Variants in PPFIBP1 observed in about 807,000 individuals in gnomAD.
PPFIBP1 encodes the protein PPFIB scaffold protein 1.
A neutral mutation model predicts 137.8 loss-of-function variants in PPFIBP1; 112 were observed. That is an observed-to-expected ratio of 0.81 (90% CI 0.70 to 0.95). The LOEUF (loss-of-function observed/expected upper bound fraction) is 0.95, where lower values mean the gene tolerates loss of function less well. Among genes scored for constraint, PPFIBP1 ranks in the 40% least tolerant of loss-of-function variants. The pLI, the probability that PPFIBP1 is intolerant of heterozygous loss-of-function variation, is 0.00. For missense variants in PPFIBP1, 1,083 were observed against 1,196.6 expected (o/e 0.91, Z 1.40); for synonymous variants, 378 against 417.3 (o/e 0.91, Z 1.15).
intron 1 of PPFIBP1, among the ~76,000 whole-genome samples, chr12:27,536,248 A>G (rs1197183987): frequency 6.6e-6 from 1 of 152,236 alleles, no homozygotes; most frequent in Non-Finnish European, 1.5e-5. Flanking sequence ...TAGAGAGGCC[A>G]GGAATGGTGG....
chr12:27,640,434 G>C (rs996110601), intron 4 of PPFIBP1, among the ~76,000 whole-genome samples: 2 of 152,174 alleles, frequency 1.3e-5, no homozygotes, highest in African/African-American at 4.8e-5. Context: ...TCACGATATT[G>C]AATGAATGAA....
At chr12:27,555,599 G>A (rs1348033908) in intron 1 of PPFIBP1, among the ~76,000 whole-genome samples, 4 of 152,170 alleles carry the variant, frequency 2.6e-5, no homozygotes, top group Non-Finnish European at 5.9e-5. Context: ...ATGATTGAAA[G>A]CAAAAGCTGT....
intron 11 of PPFIBP1, among the ~76,000 whole-genome samples, chr12:27,663,357 G>T (rs1212158932): frequency 6.6e-6 from 1 of 152,218 alleles, no homozygotes; most frequent in Non-Finnish European, 1.5e-5. Context: ...GAAAAGCAAA[G>T]AGGGTCATGG....
intron 1 of PPFIBP1, among the ~76,000 whole-genome samples, chr12:27,574,181 G>A (rs1327495997): frequency 6.6e-6 from 1 of 152,174 alleles, no homozygotes; most frequent in Non-Finnish European, 1.5e-5. Context: ...TCAGGAAGTG[G>A]TGGGGGTGAT....
chr12:27,619,984 A>G lies in PPFIBP1; in HGVS notation c.-35-13378A>G, dbSNP rs1475692056. Reference sequence around the variant, plus strand: ...TTTATATATATATTTACATATATATACACGCACATATTTACTATGTGTGTA... The same window carrying G: ...TTTATATATATATTTACATATATATGCACGCACATATTTACTATGTGTGTA... On this transcript the variant is annotated intron_variant, in intron 2 of 29. Transcript: ENST00000228425. 3.9e-5 allele frequency among the ~76,000 whole-genome samples: 6 copies of G among 151,976 alleles called. No homozygotes were observed. The East Asian group carries it at 1.2e-3, about 29-fold the overall frequency.
intron 7 of PPFIBP1, among the ~76,000 whole-genome samples, chr12:27,652,435 C>G (rs2058930989): frequency 6.6e-6 from 1 of 152,164 alleles, no homozygotes; most frequent in Non-Finnish European, 1.5e-5. Flanking sequence ...AGAAAGGGAA[C>G]AGGAATTTTC....
chr12:27,542,793 C>T (rs577996714), intron 1 of PPFIBP1, among the ~76,000 whole-genome samples: 1 of 152,206 alleles, frequency 6.6e-6, no homozygotes, highest in South Asian at 2.1e-4. Flanking sequence ...CGTGATGACT[C>T]CTCAGCTTAG....
intron 13 of PPFIBP1, among the ~76,000 whole-genome samples, chr12:27,670,702 C>G (rs2060124940): frequency 6.6e-6 from 1 of 151,334 alleles, no homozygotes; most frequent in African/African-American, 2.4e-5. Flanking sequence ...TCACTTTAGC[C>G]CAGAAGTTCA....
chr12:27,534,643 T>A (rs67318133), intron 1 of PPFIBP1, among the ~76,000 whole-genome samples: 24,241 of 151,828 alleles, frequency 0.16, 2,251 homozygotes, highest in Middle Eastern at 0.26. Flanking sequence ...CCAGACTTGA[T>A]GGTTCACAGG....
intron 7 of PPFIBP1, among the ~76,000 whole-genome samples, chr12:27,654,128 A>G (rs968286001): frequency 6.6e-6 from 1 of 152,230 alleles, no homozygotes; most frequent in African/African-American, 2.4e-5. Context: ...TGTTCCTGTT[A>G]TTCACTTAAT....
chr12:27,645,011 G>A (rs1195316213), intron 4 of PPFIBP1, among the ~76,000 whole-genome samples: 1 of 151,916 alleles, frequency 6.6e-6, no homozygotes, highest in African/African-American at 2.4e-5. Flanking sequence ...AATGGTATCA[G>A]TTAATTCTGG....
At chr12:27,668,864 A>T (rs1477184388) in intron 13 of PPFIBP1, among the ~76,000 whole-genome samples, 2 of 152,082 alleles carry the variant, frequency 1.3e-5, no homozygotes, top group Non-Finnish European at 2.9e-5. Flanking sequence ...ATTCTAGTCT[A>T]GTCCATCCTG....
chr12:27,621,096 G>A (rs996945356), intron 2 of PPFIBP1, among the ~76,000 whole-genome samples: 4 of 152,212 alleles, frequency 2.6e-5, no homozygotes, highest in African/African-American at 9.7e-5. Context: ...CTTTCAGGAG[G>A]CTGTAGGATA....
intron 2 of PPFIBP1, chr12:27,608,621 A>C: frequency 2.5e-6 from 1 of 399,136 alleles, no homozygotes; most frequent in Admixed American, 3.4e-5. Context: ...CCTTCTTAAA[A>C]ATATTTCTAG....
intron 2 of PPFIBP1, among the ~76,000 whole-genome samples, chr12:27,601,335 T>C (rs1592764538): frequency 6.6e-6 from 1 of 152,182 alleles, no homozygotes. Flanking sequence ...ATAACGATTA[T>C]TTTTAGGGGC....
At position 27,673,840 on chromosome 12, in the gene PPFIBP1, T is replaced by G; in HGVS notation, c.1380+13T>G. 1.3e-6 allele frequency: 2 copies of G among 1,591,948 alleles called. No homozygotes were observed. Among genetic ancestry groups the G allele is most frequent in the Non-Finnish European group, 1.7e-6 (2 of 1,162,096 alleles). On this transcript the variant is annotated intron_variant, in intron 16 of 29. Coordinates refer to ENST00000228425, the MANE Select transcript of PPFIBP1 (RefSeq NM_003622.4). ...GACATCTGATGGGGTGGGTTCTGTG[T>G]TTTTTGTTTTTTTTTGTCTGTTATC...
At position 27,674,240 on chromosome 12, in the gene PPFIBP1, TACA is replaced by T. The variant is rs747476693; in HGVS notation, c.1410+21_1410+23del. ...TTCAGAGGTAACTTTTTGTCCAAAT[TACA>T]ATGCAAAAATATTTCTACTTCCATT... is the stretch of plus-strand genomic sequence containing the variant. On this transcript the variant is annotated intron_variant, in intron 17 of 29. Coordinates refer to ENST00000228425, the MANE Select transcript of PPFIBP1 (RefSeq NM_003622.4). 17 of 1,572,578 alleles carry T rather than the reference TACA, an allele frequency of 1.1e-5. No individual in the cohort carries two copies. In the South Asian group the frequency reaches 2.0e-4, roughly 18 times the overall value.
intron 2 of PPFIBP1, among the ~76,000 whole-genome samples, chr12:27,614,937 T>C (rs1357533499): frequency 6.6e-6 from 1 of 152,222 alleles, no homozygotes; most frequent in Non-Finnish European, 1.5e-5. Context: ...ACTGGTGGTA[T>C]TTGCTGGTAT....
At chr12:27,560,963 G>A (rs1361564994) in intron 1 of PPFIBP1, among the ~76,000 whole-genome samples, 1 of 152,056 alleles carries the variant, frequency 6.6e-6, no homozygotes, top group Admixed American at 6.5e-5. Flanking sequence ...GTGTATTGTG[G>A]AGGAATATTT....
Sources: gnomAD v4.1 joint callset for allele counts (sites outside exome capture counted in the v4.1 genomes callset) on GRCh38, gnomAD v4.1.1 for gene constraint, MANE v1.5 for transcripts, NCBI Gene and HGNC (gene_info 2026-07-23, HGNC 2026-07-21) for gene names.